The following GABRR3 variants were observed in gnomAD, a reference collection of about 807,000 sequenced individuals.
The protein encoded by GABRR3 is gamma-aminobutyric acid receptor subunit rho-3.
GABRR3 carries 29 observed loss-of-function variants against 43.2 expected under a neutral mutation model. That is an observed-to-expected ratio of 0.67 (90% confidence interval 0.50 to 0.92). GABRR3 has a LOEUF of 0.92. GABRR3 is among the 40% of genes least tolerant of loss of function. The probability of loss-of-function intolerance (pLI) is 0.00; values close to 1 mark genes in which losing one functional copy is unlikely to be tolerated. For missense variants in GABRR3, 576 were observed against 572.3 expected, an observed-to-expected ratio of 1.01 and a Z score of -0.07; for synonymous variants, 206 against 195.9, an observed-to-expected ratio of 1.05 and a Z score of -0.43.
chr3:98,023,492 G>A, intron 3 of GABRR3, among the ~76,000 whole-genome samples: 1 of 152,156 alleles, frequency 6.6e-6, no homozygotes, highest in East Asian at 1.9e-4. Flanking sequence ...GGTGGTAGGG[G>A]AAATATTTTA....
In GABRR3 at chr3:97,986,985, G is replaced by A. The variant is rs769894197; in HGVS notation, c.1105-3C>T. The A allele has an allele frequency of 6.5e-7, 1 of 1,544,386 alleles. No individual in the cohort carries two copies. Among genetic ancestry groups the A allele is most frequent in the Non-Finnish European group, 8.7e-7 (1 of 1,149,296 alleles). ...TCAATATTGTACATCCTAGAAATCT[G>A]TCAAAAAACTTTTTTTTAAAGTAGG... On this transcript the variant is annotated splice_polypyrimidine_tract_variant and splice_region_variant and intron_variant, in intron 9 of 9. Transcript: ENST00000621172.
chr3:98,012,631 C>T lies in GABRR3; in HGVS notation c.307-64G>A, dbSNP rs1576044307. 13 of 1,087,210 alleles carry T rather than the reference C, an allele frequency of 1.2e-5. No homozygotes were observed. In the East Asian group the frequency reaches 2.6e-4, roughly 22 times the overall value. 67.3% of individuals were successfully genotyped at this position (1,087,210 alleles called of 1,614,324 possible). On this transcript the variant is annotated intron_variant, in intron 4 of 9. Coordinates refer to ENST00000621172, the Ensembl canonical transcript of GABRR3. ...AATATGGTTCAGGATGACCACTCAA[C>T]ACTGTTAGTCCCAGGACTCATTCCT...
At position 97,992,937 on chromosome 3, in the gene GABRR3, A is replaced by G. The variant is rs369082236; in HGVS notation, c.1019T>C (p.Phe340Ser). 6.4e-5 allele frequency: 103 copies of G among 1,613,700 alleles called. No homozygotes were observed. The African/African-American group carries it at 1.2e-3, about 18-fold the overall frequency. ...ATACTCAATGACTGACAGGAACACA[A>G]AGAGGGAGCTGACCCACAGGTACAC... The change falls in exon 9 of 10, where the codon TTT becomes TCT. Residue 340 changes from phenylalanine to serine, a missense_variant. Physicochemically the swap from Phe to Ser is radical, Grantham distance 155 (BLOSUM62 -2). Transcript: ENST00000621172.
intron 7 of GABRR3, among the ~76,000 whole-genome samples, chr3:98,002,699 A>G (rs1344926592): frequency 6.6e-6 from 1 of 151,364 alleles, no homozygotes; most frequent in East Asian, 1.9e-4. Flanking sequence ...ATGGAAATAC[A>G]TCTTTTCTGA....
chr3:98,013,524 ACTAT>A (rs1706834695), intron 4 of GABRR3, among the ~76,000 whole-genome samples: 1 of 152,106 alleles, frequency 6.6e-6, no homozygotes, highest in Non-Finnish European at 1.5e-5. Context: ...CTTACTTCTT[ACTAT>A]CTTTTTTTCC....
intron 3 of GABRR3, among the ~76,000 whole-genome samples, chr3:98,020,364 C>A (rs1354366809): frequency 1.3e-5 from 2 of 148,478 alleles, no homozygotes; most frequent in South Asian, 2.1e-4. Context: ...AATGTTATCA[C>A]TACTGCAATT....
exon 5 of GABRR3, chr3:98,012,402 T>A (rs747816523): frequency 3.1e-6 from 5 of 1,613,840 alleles, no homozygotes; most frequent in East Asian, 2.2e-5. Context: ...TTCTCCATAG[T>A]TGTATCATGG....
At chr3:97,987,655 TA>T (rs1193924649) in intron 9 of GABRR3, among the ~76,000 whole-genome samples, 1 of 152,222 alleles carries the variant, frequency 6.6e-6, no homozygotes, top group African/African-American at 2.4e-5. Flanking sequence ...TTTAAAAACC[TA>T]ATATTTTACT....
At chr3:98,010,117 C>T (rs1287667140) in intron 5 of GABRR3, among the ~76,000 whole-genome samples, 1 of 152,156 alleles carries the variant, frequency 6.6e-6, no homozygotes, top group Admixed American at 6.5e-5. Flanking sequence ...TCCAAGATCA[C>T]TCTCAGGGTC....
intron 5 of GABRR3, among the ~76,000 whole-genome samples, chr3:98,009,548 T>C (rs1423826708): frequency 6.6e-6 from 1 of 152,218 alleles, no homozygotes; most frequent in African/African-American, 2.4e-5. Flanking sequence ...TAGATCTATG[T>C]GCACAATGCA....
chr3:98,028,666 A>G (rs897301769), intron 2 of GABRR3, among the ~76,000 whole-genome samples: 18 of 152,190 alleles, frequency 1.2e-4, no homozygotes, highest in Admixed American at 1.1e-3. Context: ...GAGGTAATAA[A>G]GGACACTGCA....
intron 4 of GABRR3, among the ~76,000 whole-genome samples, chr3:98,017,055 A>C (rs1706880577): frequency 6.6e-6 from 1 of 152,216 alleles, no homozygotes; most frequent in Non-Finnish European, 1.5e-5. Context: ...GATATTTCAT[A>C]GAGTGAATAA....
chr3:97,996,582 T>TAG (rs1429069373), intron 8 of GABRR3, among the ~76,000 whole-genome samples: 1 of 152,150 alleles, frequency 6.6e-6, no homozygotes, highest in Non-Finnish European at 1.5e-5. Context: ...ATTCATTCTG[T>TAG]AGAGAATGGC....
At chr3:98,018,229 G>T (rs962977316) in intron 3 of GABRR3, among the ~76,000 whole-genome samples, 2 of 152,108 alleles carry the variant, frequency 1.3e-5, no homozygotes, top group Admixed American at 6.6e-5. Flanking sequence ...CATTTGTGCT[G>T]TGGTTGGTGG....
intron 7 of GABRR3, among the ~76,000 whole-genome samples, chr3:98,003,951 G>T (rs1388962626): frequency 2.0e-5 from 3 of 152,036 alleles, no homozygotes; most frequent in Non-Finnish European, 1.5e-5. Context: ...ATCAGTTTTG[G>T]CATCTGAACT....
At chr3:98,017,696 C>T (rs1228965306) in exon 4 of GABRR3, 1 of 1,611,090 alleles carries the variant, frequency 6.2e-7, no homozygotes, top group South Asian at 1.1e-5. Context: ...TCAACATGGA[C>T]ATCTATACCT....
intron 4 of GABRR3, among the ~76,000 whole-genome samples, chr3:98,015,018 A>C (rs1482197421): frequency 6.6e-6 from 1 of 152,212 alleles, no homozygotes; most frequent in Non-Finnish European, 1.5e-5. Flanking sequence ...AACTTTTGAA[A>C]GTTTTATAAG....
chr3:98,023,345 A>C (rs1420689754), intron 3 of GABRR3, among the ~76,000 whole-genome samples: 1 of 152,102 alleles, frequency 6.6e-6, no homozygotes, highest in Non-Finnish European at 1.5e-5. Flanking sequence ...AGGTTTTTGA[A>C]TTCGTGTTGA....
chr3:98,002,488 A>C (rs539357417), intron 7 of GABRR3, among the ~76,000 whole-genome samples: 88 of 152,266 alleles, frequency 5.8e-4, no homozygotes, highest in African/African-American at 2.0e-3. Context: ...TTTAAAGCCA[A>C]ATTTTCAGAC....
Sources: allele counts gnomAD v4.1 joint callset (sites outside exome capture counted in the v4.1 genomes callset), GRCh38; gene constraint gnomAD v4.1.1; transcripts MANE v1.5; gene names NCBI Gene and HGNC (gene_info 2026-07-23, HGNC 2026-07-21).